The following EIF4A3 variants were observed in gnomAD, a reference collection of about 807,000 sequenced individuals.
EIF4A3 encodes the protein eukaryotic translation initiation factor 4A3.
A neutral mutation model predicts 55.6 loss-of-function variants in EIF4A3; 1 was observed. The observed-to-expected ratio is 0.02, with a 90% CI of 0.01 to 0.09. EIF4A3 has a LOEUF of 0.09. Among genes scored for constraint, EIF4A3 ranks in the 10% least tolerant of loss-of-function variants. The pLI is 1.00. For synonymous variants in EIF4A3, 194 were observed against 196.3 expected, an observed-to-expected ratio of 0.99 and a Z score of 0.10; for missense variants, 221 against 540.7, an observed-to-expected ratio of 0.41 and a Z score of 5.86.
In EIF4A3 at chr17:80,143,962, A is replaced by G. The variant is rs562758901; in HGVS notation, c.242+210T>C. Among the ~76,000 whole-genome samples, 14 of 152,362 alleles carry G rather than the reference A, an allele frequency of 9.2e-5. No individual in the cohort carries two copies. The South Asian group carries it at 2.9e-3, about 32-fold the overall frequency. On this transcript the variant is annotated intron_variant, in intron 2 of 11. Coordinates refer to ENST00000649764, the MANE Select transcript of EIF4A3 (RefSeq NM_014740.4). Reference sequence around the variant, plus strand: ...ACCACTGCACTCCAGCCTGGGCAACAGAGCGAGACTCCATCTCAAAAAGAA... The same window carrying G: ...ACCACTGCACTCCAGCCTGGGCAACGGAGCGAGACTCCATCTCAAAAAGAA...
At position 80,139,040 on chromosome 17, in the gene EIF4A3, T is replaced by C. The variant is rs201917263; in HGVS notation, c.709A>G (p.Ile237Val). The C allele has an allele frequency of 2.1e-5, 34 of 1,613,862 alleles. No homozygotes were observed. Among genetic ancestry groups the C allele is most frequent in the African/African-American group, 2.7e-5 (2 of 74,866 alleles). ...EMTNKFMTDP[I>V]RILVKRDELT... ...TCCTACCGTTTCACCAAGATGCGGA[T>C]TGGGTCGGTCATGAACTTGTTGGTC... Residue 237 changes from isoleucine to valine, a missense_variant, in exon 7 of 12, where the codon ATC (isoleucine) becomes GTC (valine). By Grantham distance (29) the Ile-to-Val change is conservative. Coordinates refer to ENST00000649764, the MANE Select transcript of EIF4A3 (RefSeq NM_014740.4).
intron 1 of EIF4A3, 130 bp downstream of exon 1, chr17:80,146,662 GC>G (rs1598607670): frequency 2.2e-5 from 24 of 1,114,248 alleles, no homozygotes; most frequent in East Asian, 5.9e-5. Context: ...GACGTCACTG[GC>G]CCCCGAGCCT....
chr17:80,135,704 T>C (rs979513866), intron 11 of EIF4A3, 198 bp from the exon 12 acceptor site: 18 of 617,784 alleles, frequency 2.9e-5, no homozygotes, highest in Non-Finnish European at 4.9e-5. Context: ...GAGACCAGCC[T>C]GGCCAACATG....
chr17:80,143,305 A>C (rs1159680032), intron 2 of EIF4A3, among the ~76,000 whole-genome samples: 1 of 152,158 alleles, frequency 6.6e-6, no homozygotes, highest in East Asian at 1.9e-4. Flanking sequence ...AAACCACTAA[A>C]TGTGTTTCCC....
At chr17:80,144,146 C>T (rs1301586923) in intron 2 of EIF4A3, 26 bp downstream of exon 2, 2 of 1,613,104 alleles carry the variant, frequency 1.2e-6, no homozygotes, top group South Asian at 1.1e-5. Context: ...ACATCCAGCC[C>T]TGCGCCGCAC....
chr17:80,137,547 G>T, intron 8 of EIF4A3, 46 bp from the exon 9 acceptor site: 1 of 1,466,464 alleles, frequency 6.8e-7, no homozygotes. Flanking sequence ...GTATACCAAA[G>T]CAGAGATGTG....
chr17:80,136,363 A>G (rs746940482), intron 9 of EIF4A3, 28 bp from the exon 10 acceptor site: 1 of 1,563,764 alleles, frequency 6.4e-7, no homozygotes, highest in South Asian at 1.1e-5. Context: ...GTTTGAGGCG[A>G]TTAAATTACT....
intron 9 of EIF4A3, chr17:80,136,545 C>T (rs894162675): frequency 8.9e-6 from 5 of 560,884 alleles, no homozygotes; most frequent in Non-Finnish European, 1.6e-5. Context: ...TTAGTTACTT[C>T]GGTCATGTGC....
In EIF4A3 at chr17:80,137,372, C is replaced by T; in HGVS notation, c.983+14G>A. On this transcript the variant is annotated intron_variant, in intron 9 of 11. Transcript: ENST00000649764. ...CAAACCCTGACCTGCAGAGCCACAG[C>T]ATAGCAGACCCACCTGGCGCCCGAC... 6.2e-7 allele frequency: 1 copy of T among 1,611,074 alleles called. No individual in the cohort carries two copies. Among genetic ancestry groups the T allele is most frequent in the Non-Finnish European group, 8.5e-7 (1 of 1,178,376 alleles).
chr17:80,140,275 C>T (rs1598605121), intron 4 of EIF4A3, 135 bp from the exon 5 acceptor site: 1 of 1,113,936 alleles, frequency 9.0e-7, no homozygotes, highest in South Asian at 2.4e-5. Context: ...CCACAAAATT[C>T]TCCTGCTCTT....
In EIF4A3 at chr17:80,135,335, G is replaced by A; in HGVS notation, c.*155C>T. The A allele has an allele frequency of 1.4e-6, 1 of 693,842 alleles. No individual in the cohort carries two copies. Among genetic ancestry groups the A allele is most frequent in the South Asian group, 2.6e-5 (1 of 38,818 alleles). The allele number at this position is 693,842 out of a possible 1,614,324, so 43.0% of individuals were successfully genotyped here. A position where few individuals can be genotyped will look rare whatever the true frequency, so the allele number is the denominator to read the frequency against. ...TACATGTAAATAAGAAAAGAGAGCAGAATCCCCATATCCTCTTCAAAGGAA... is the reference window on the plus strand; with the variant it reads ...TACATGTAAATAAGAAAAGAGAGCAAAATCCCCATATCCTCTTCAAAGGAA... On this transcript the variant is annotated 3_prime_UTR_variant, in exon 12 of 12. Transcript: ENST00000649764.
chr17:80,139,903 A>C, intron 5 of EIF4A3, 105 bp downstream of exon 5: 1 of 1,539,914 alleles, frequency 6.5e-7, no homozygotes, highest in South Asian at 1.2e-5. Context: ...ACCCAGGTGC[A>C]AAAGTCTACC....
In EIF4A3 at chr17:80,146,928, A is replaced by G. The variant is rs750094584; in HGVS notation, c.34T>C (p.Ser12Pro). ...TCTTTGAGCAGCCGCTTTCGCGCCG[A>G]GCCCGAGGTCGCCATCGTGGCCGTG... is the stretch of plus-strand genomic sequence containing the variant. Reference protein sequence around the residue: ...ATTATMATSGSARKRLLKEED... With the variant: ...ATTATMATSGPARKRLLKEED... The change falls in exon 1 of 12, where the codon TCG (serine) becomes CCG (proline). Residue 12 changes from serine (S) to proline (P), a missense_variant. Around this residue, in one of 4 missense-constraint regions of EIF4A3, gnomAD observed 43 missense variants for 39.1 expected, o/e 1.10. Transcript: ENST00000649764. 8.1e-6 allele frequency: 13 copies of G among 1,608,924 alleles called. No homozygotes were observed. The highest frequency in any genetic ancestry group is 6.7e-5 in the Admixed American group (4 of 59,856).
intron 5 of EIF4A3, 72 bp from the exon 6 acceptor site, chr17:80,139,822 C>T: frequency 6.5e-7 from 1 of 1,537,378 alleles, no homozygotes; most frequent in East Asian, 2.3e-5. Flanking sequence ...ACACCTGAGG[C>T]TCCCAAGAAA....
chr17:80,137,118 C>A (rs77319086), intron 9 of EIF4A3: 28,276 of 331,968 alleles, frequency 0.085, 1,576 homozygotes, highest in African/African-American at 0.18. Context: ...GAAAACCCCC[C>A]TACTTACTGG....
chr17:80,144,639 G>C (rs1370350184), intron 1 of EIF4A3, among the ~76,000 whole-genome samples: 1 of 151,652 alleles, frequency 6.6e-6, no homozygotes, highest in Non-Finnish European at 1.5e-5. Flanking sequence ...GGTTTGACTG[G>C]ATTACAAACA....
chr17:80,138,389 T>TA, intron 7 of EIF4A3, 109 bp from the exon 8 acceptor site: 1 of 1,401,934 alleles, frequency 7.1e-7, no homozygotes, highest in Non-Finnish European at 9.9e-7. Flanking sequence ...CACACCGTGA[T>TA]ATCTGGTGCA....
intron 3 of EIF4A3, 41 bp downstream of exon 3, chr17:80,141,741 C>G: frequency 6.4e-7 from 1 of 1,563,506 alleles, no homozygotes; most frequent in Non-Finnish European, 8.8e-7. Flanking sequence ...CAAGTATTTC[C>G]TAGAATTACA....
chr17:80,140,232 C>A, intron 4 of EIF4A3, 92 bp from the exon 5 acceptor site: 2 of 1,359,694 alleles, frequency 1.5e-6, no homozygotes, highest in Non-Finnish European at 1.9e-6. Context: ...GAGATGATCA[C>A]CGATTATTAT....
Sources: gnomAD v4.1 joint callset for allele counts (sites outside exome capture counted in the v4.1 genomes callset) on GRCh38, gnomAD v4.1.1 for gene constraint, gnomAD v4.1.1 regional missense constraint, MANE v1.5 for transcripts, NCBI Gene and HGNC (gene_info 2026-07-23, HGNC 2026-07-21) for gene names.